Variants in WDFY3 observed in about 807,000 individuals in gnomAD.
WDFY3 encodes the protein WD repeat and FYVE domain containing 3.
Under a neutral mutation model 409.6 loss-of-function variants are expected in WDFY3, and 66 were observed. The ratio of observed to expected loss-of-function variants is 0.16; its 90% CI spans 0.13 to 0.20. WDFY3 has a LOEUF of 0.20. Ranked by LOEUF, WDFY3 falls within the 10% of genes least tolerant of loss-of-function variation. The probability of loss-of-function intolerance (pLI) is 1.00; values close to 1 mark genes in which losing one functional copy is unlikely to be tolerated. For missense variants in WDFY3, 3,031 were observed against 4,298.1 expected (o/e 0.71, Z 8.24); for synonymous variants, 1,521 against 1,537.1 (o/e 0.99, Z 0.25).
intron 25 of WDFY3, among the ~76,000 whole-genome samples, chr4:84,782,044 C>T (rs1018031693): frequency 2.0e-5 from 3 of 151,978 alleles, no homozygotes; most frequent in Non-Finnish European, 2.9e-5. Context: ...TTTTGAATGG[C>T]GTGATTGGTT....
At chr4:84,853,561 G>A (rs1465512751) in intron 4 of WDFY3, among the ~76,000 whole-genome samples, 1 of 152,182 alleles carries the variant, frequency 6.6e-6, no homozygotes, top group Non-Finnish European at 1.5e-5. Context: ...GAATTAGTAT[G>A]AGGTATTTTA....
At position 84,786,087 on chromosome 4, in the gene WDFY3, T is replaced by C; in HGVS notation, c.3954A>G (p.Pro1318=). ...GVVPSPVSLV[P]EEKVSFGLYA... ...AGAGGCCAAATGACACTTTCTCCTC[T>C]GGTACTAATGACACAGGGGATGGCA... The change falls in exon 24 of 68, where the codon CCA becomes CCG. Residue 1318 remains proline, a synonymous_variant. Transcript: ENST00000295888. 6.2e-7 allele frequency: 1 copy of C among 1,613,674 alleles called. No homozygotes were observed. The highest frequency in any genetic ancestry group is 8.5e-7 in the Non-Finnish European group (1 of 1,179,806).
At position 84,893,906 on chromosome 4, in the gene WDFY3, T is replaced by C. The variant is rs140866336; in HGVS notation, c.-32+3005A>G. Among the ~76,000 whole-genome samples the C allele has an allele frequency of 2.3e-3, 349 of 152,138 alleles. 1 individual carries two copies. The highest frequency in any genetic ancestry group is 7.9e-3 in the African/African-American group (327 of 41,510). Reference sequence around the variant, plus strand: ...TCAGGAGGCTGAGGCAGAGAATTTCTTGAACCCAGGAGGCAGAGGTTGCAA... The same window carrying C: ...TCAGGAGGCTGAGGCAGAGAATTTCCTGAACCCAGGAGGCAGAGGTTGCAA... On this transcript the variant is annotated intron_variant, in intron 3 of 67. Transcript: ENST00000295888.
chr4:84,850,970 G>T (rs867023744), intron 4 of WDFY3, among the ~76,000 whole-genome samples: 169 of 8,652 alleles, frequency 0.02, 2 homozygotes, highest in African/African-American at 0.058. Context: ...TTTTTTTTTT[G>T]AGAACTGGTT....
intron 32 of WDFY3, among the ~76,000 whole-genome samples, chr4:84,757,688 C>G (rs1468131596): frequency 6.6e-6 from 1 of 152,138 alleles, no homozygotes; most frequent in Non-Finnish European, 1.5e-5. Context: ...AAGCAGTCCT[C>G]CCACCTCAGC....
rs866717380 is a variant in WDFY3, at chr4:84,736,288, G to A, written c.6797C>T (p.Ala2266Val). Residue 2266 changes from alanine to valine, a missense_variant, in exon 42 of 68, where the codon GCG becomes GTG. By Grantham distance (64) the Ala-to-Val change is moderately conservative. Transcript: ENST00000295888. ...GGATAATTTGGACTGTGTGGTGGGC[G>A]CTAAAGCTTCTCCTCGACTTATGCA... ...KKCISRGEAL[A>V]PTTQSKLSRV... 7 of 1,607,290 alleles carry A rather than the reference G, an allele frequency of 4.4e-6. No individual in the cohort carries two copies. The highest frequency in any genetic ancestry group is 1.3e-5 in the African/African-American group (1 of 74,732).
chr4:84,766,310 G>T lies in WDFY3; in HGVS notation c.4912C>A (p.Leu1638Met), dbSNP rs1743626577. The T allele has an allele frequency of 2.5e-6, 4 of 1,601,954 alleles. No individual in the cohort carries two copies. The highest frequency in any genetic ancestry group is 3.4e-6 in the Non-Finnish European group (4 of 1,175,898). The change falls in exon 31 of 68, where the codon CTG (leucine) becomes ATG (methionine). Residue 1638 changes from leucine (L) to methionine (M), a missense_variant. This residue lies in a region of WDFY3 where 342 missense variants were observed against 463.7 expected (regional missense o/e 0.74). Coordinates refer to ENST00000295888, the MANE Select transcript of WDFY3 (RefSeq NM_014991.6). ...TAAATTAGTTTTAGCAAGATATCCA[G>T]AAGTCTGTTCCTCAAAAGTATAAGA... is the stretch of plus-strand genomic sequence containing the variant. ...ANLILLRNRL[L>M]DILLKLIYTS...
chr4:84,682,483 A>C lies in WDFY3; in HGVS notation c.9727-13T>G. 1 of 1,606,746 alleles carries C rather than the reference A, an allele frequency of 6.2e-7. No individual in the cohort carries two copies. Among genetic ancestry groups the C allele is most frequent in the Non-Finnish European group, 8.5e-7 (1 of 1,175,534 alleles). On this transcript the variant is annotated splice_polypyrimidine_tract_variant and intron_variant, in intron 63 of 67. Transcript: ENST00000295888. ...CCATTCTCCAAAACTAAATTTAAATAAGTACAAAAATTAAAAAGTTAAGAA... is the reference window on the plus strand; with the variant it reads ...CCATTCTCCAAAACTAAATTTAAATCAGTACAAAAATTAAAAAGTTAAGAA...
intron 13 of WDFY3, among the ~76,000 whole-genome samples, chr4:84,816,616 TCTA>T (rs935013781): frequency 1.3e-5 from 2 of 152,158 alleles, no homozygotes; most frequent in African/African-American, 4.8e-5. Flanking sequence ...TATTTAATAG[TCTA>T]CTTTTCCATT....
In WDFY3 at chr4:84,783,132, T is replaced by C. The variant is rs1002797854; in HGVS notation, c.4063-58A>G. The stretch of plus-strand genomic sequence containing the variant: ...TATAAGAACAGTTTCAATGTTTTGA[T>C]TGGAAAAGAAACCAAACACATGAAT... On this transcript the variant is annotated intron_variant, in intron 24 of 67. Coordinates refer to ENST00000295888, the MANE Select transcript of WDFY3 (RefSeq NM_014991.6). The C allele has an allele frequency of 3.3e-6, 5 of 1,496,446 alleles. No homozygotes were observed. The African/African-American group carries it at 5.6e-5, about 17-fold the overall frequency. 92.7% of individuals were successfully genotyped at this position (1,496,446 alleles called of 1,614,324 possible).
chr4:84,916,394 T>C (rs1768493193), intron 2 of WDFY3, among the ~76,000 whole-genome samples: 1 of 152,204 alleles, frequency 6.6e-6, no homozygotes, highest in African/African-American at 2.4e-5. Flanking sequence ...AGAAACCAAA[T>C]GTGGACTTTA....
At chr4:84,851,940 G>A (rs1759085161) in intron 4 of WDFY3, among the ~76,000 whole-genome samples, 1 of 152,052 alleles carries the variant, frequency 6.6e-6, no homozygotes, top group Non-Finnish European at 1.5e-5. Flanking sequence ...TAAAAAAATT[G>A]TAATAATATA....
At chr4:84,926,199 C>G (rs372948258) in intron 2 of WDFY3, among the ~76,000 whole-genome samples, 2 of 141,890 alleles carry the variant, frequency 1.4e-5, no homozygotes, top group Admixed American at 7.0e-5. Context: ...AGTGAGACTC[C>G]GTCTCTAAAA....
intron 1 of WDFY3, among the ~76,000 whole-genome samples, chr4:84,934,466 A>G (rs917133017): frequency 6.6e-6 from 1 of 152,192 alleles, no homozygotes; most frequent in Non-Finnish European, 1.5e-5. Flanking sequence ...TATTCATCCA[A>G]TAAGTTTTTA....
intron 56 of WDFY3, 36 bp from the exon 57 acceptor site, chr4:84,696,859 A>ATTACACTGTTGGTGGGACTGT: frequency 6.5e-7 from 1 of 1,549,308 alleles, no homozygotes. Context: ...AAAAAAAAAG[A>ATTACACTGTTGGTGGGACTGT]AAGAATGGGA....
At chr4:84,691,253 G>A (rs2148854114) in intron 60 of WDFY3, among the ~76,000 whole-genome samples, 1 of 152,178 alleles carries the variant, frequency 6.6e-6, no homozygotes, top group South Asian at 2.1e-4. Flanking sequence ...CTTGTTTGGA[G>A]CACTAAAATG....
chr4:84,870,044 A>G (rs1285284248), intron 3 of WDFY3, among the ~76,000 whole-genome samples: 5 of 152,232 alleles, frequency 3.3e-5, no homozygotes, highest in Non-Finnish European at 7.3e-5. Flanking sequence ...AAGATGTCAT[A>G]CAATGTGAAT....
Position 84,691,684 on chromosome 4 carries a change from C to A in WDFY3, c.9151G>T (p.Ala3051Ser). ...LIPPTWNKTF[A>S]WGYADLSCRL... Reference sequence around the variant, plus strand: ...CAACTGAGGTCTGCATAGCCCCAAGCAAAAGTTTTATTCCAGGTTGGTGGG... The same window carrying A: ...CAACTGAGGTCTGCATAGCCCCAAGAAAAAGTTTTATTCCAGGTTGGTGGG... Residue 3051 changes from alanine to serine, a missense_variant, in exon 60 of 68, where the codon GCT (alanine) becomes TCT (serine). By Grantham distance (99) the Ala-to-Ser change is moderately conservative (BLOSUM62 1). This residue lies in a region of WDFY3 where 152 missense variants were observed against 193.5 expected (regional missense o/e 0.79). Transcript: ENST00000295888. 6.2e-7 allele frequency: 1 copy of A among 1,614,066 alleles called. No homozygotes were observed.
chr4:84,961,119 G>A (rs1774862962), intron 1 of WDFY3, among the ~76,000 whole-genome samples: 1 of 151,724 alleles, frequency 6.6e-6, no homozygotes. Context: ...GGTGGCTGAG[G>A]CAGGAGAATC....
Sources: allele counts gnomAD v4.1 joint callset (sites outside exome capture counted in the v4.1 genomes callset), GRCh38; gene constraint gnomAD v4.1.1; regional missense constraint gnomAD v4.1.1; transcripts MANE v1.5; gene names NCBI Gene and HGNC (gene_info 2026-07-23, HGNC 2026-07-21).